The following GABRB3 variants were observed in gnomAD, a reference collection of about 807,000 sequenced individuals.
The protein encoded by GABRB3 is gamma-aminobutyric acid type A receptor subunit beta3.
A neutral mutation model predicts 52.1 loss-of-function variants in GABRB3; 14 were observed. That is an observed-to-expected ratio of 0.27 (90% CI 0.18 to 0.42). The LOEUF (loss-of-function observed/expected upper bound fraction) is 0.42, where lower values mean the gene tolerates loss of function less well. Ranked by LOEUF, GABRB3 falls within the 10% of genes least tolerant of loss-of-function variation. The probability of loss-of-function intolerance (pLI) is 1.00; values close to 1 mark genes in which losing one functional copy is unlikely to be tolerated. For synonymous variants in GABRB3, 260 were observed against 232.3 expected, an observed-to-expected ratio of 1.12 and a Z score of -1.08; for missense variants, 307 against 609.1, an observed-to-expected ratio of 0.50 and a Z score of 5.22.
At chr15:26,623,205 T>A (rs1394656876) in intron 3 of GABRB3, among the ~76,000 whole-genome samples, 1 of 152,044 alleles carries the variant, frequency 6.6e-6, no homozygotes. Flanking sequence ...TGGAGTGCAG[T>A]TTTGCTGGAA....
intron 3 of GABRB3, among the ~76,000 whole-genome samples, chr15:26,730,539 G>A (rs1777330072): frequency 6.6e-6 from 1 of 152,172 alleles, no homozygotes; most frequent in South Asian, 2.1e-4. Context: ...GAAAGAAGAG[G>A]AGCTGAAGAG....
chr15:26,586,397 AACACACACACAC>A, intron 4 of GABRB3, among the ~76,000 whole-genome samples: 1 of 138,086 alleles, frequency 7.2e-6, no homozygotes, highest in South Asian at 2.5e-4. Context: ...AACCACCCCT[AACACACACACAC>A]ACACACACAC....
intron 3 of GABRB3, among the ~76,000 whole-genome samples, chr15:26,700,113 C>A (rs1294862780): frequency 6.6e-6 from 1 of 151,308 alleles, no homozygotes. Context: ...AAAAAACAAA[C>A]AAAACAGAGA....
intron 3 of GABRB3, among the ~76,000 whole-genome samples, chr15:26,694,268 G>C (rs114112972): frequency 1.3e-5 from 2 of 152,024 alleles, no homozygotes; most frequent in Admixed American, 1.3e-4. Context: ...CTCACTTAAC[G>C]GGGAGAAAAA....
intron 6 of GABRB3, chr15:26,569,377 T>C (rs941752938): frequency 4.6e-5 from 7 of 152,200 alleles, no homozygotes; most frequent in African/African-American, 2.4e-5. Context: ...GTGTAGAATT[T>C]CTCTTACACA....
intron 3 of GABRB3, among the ~76,000 whole-genome samples, chr15:26,660,165 G>T (rs961319664): frequency 6.6e-6 from 1 of 151,950 alleles, no homozygotes; most frequent in East Asian, 1.9e-4. Context: ...GGGAGGTGGA[G>T]GTTGCGGTGA....
chr15:26,716,963 C>A (rs1170453091), intron 3 of GABRB3, among the ~76,000 whole-genome samples: 2 of 140,774 alleles, frequency 1.4e-5, no homozygotes, highest in African/African-American at 5.4e-5. Context: ...AGGACCTCCA[C>A]CCAATGACAG....
At chr15:26,610,154 T>A (rs1027819612) in intron 4 of GABRB3, among the ~76,000 whole-genome samples, 1 of 152,176 alleles carries the variant, frequency 6.6e-6, no homozygotes, top group African/African-American at 2.4e-5. Flanking sequence ...TTCCCATATA[T>A]AGATTTTTTT....
At chr15:26,735,557 A>AT (rs1478958573) in intron 3 of GABRB3, among the ~76,000 whole-genome samples, 1 of 152,226 alleles carries the variant, frequency 6.6e-6, no homozygotes, top group East Asian at 1.9e-4. Context: ...AAATTGTGGT[A>AT]TATCTATAGA....
At chr15:26,652,834 A>C (rs945856775) in intron 3 of GABRB3, among the ~76,000 whole-genome samples, 7 of 152,230 alleles carry the variant, frequency 4.6e-5, no homozygotes, top group Non-Finnish European at 7.3e-5. Context: ...GAATACAGGA[A>C]ATTGAAAATG....
At chr15:26,695,087 G>T (rs1329700614) in intron 3 of GABRB3, among the ~76,000 whole-genome samples, 1 of 152,128 alleles carries the variant, frequency 6.6e-6, no homozygotes, top group African/African-American at 2.4e-5. Context: ...AAACGTATAT[G>T]TAATGGTAAT....
chr15:26,615,971 C>T (rs1440964769), intron 4 of GABRB3: 1 of 1,289,008 alleles, frequency 7.8e-7, no homozygotes, highest in Non-Finnish European at 1.0e-6. Context: ...GCAGGAACAA[C>T]CCCAGCTCTC....
chr15:26,668,477 T>C (rs939561193), intron 3 of GABRB3, among the ~76,000 whole-genome samples: 3 of 152,202 alleles, frequency 2.0e-5, no homozygotes, highest in African/African-American at 7.2e-5. Context: ...CTCACTCTTC[T>C]TTTGAGAACC....
At chr15:26,733,386 A>T (rs1269910870) in intron 3 of GABRB3, among the ~76,000 whole-genome samples, 2 of 152,174 alleles carry the variant, frequency 1.3e-5, no homozygotes, top group Non-Finnish European at 2.9e-5. Flanking sequence ...CCTGAAAAGA[A>T]AGTTACAGAA....
intron 3 of GABRB3, among the ~76,000 whole-genome samples, chr15:26,742,347 C>T (rs962544334): frequency 6.7e-6 from 1 of 149,416 alleles, no homozygotes; most frequent in African/African-American, 2.5e-5. Context: ...TTAGTTTAAA[C>T]TCTGTTCTTC....
In GABRB3 at chr15:26,772,475, G is replaced by T. The variant is rs988571432; in HGVS notation, c.173-6C>A. ...CCCCACGCAGACCGGGGGACCTGCG[G>T]GAAGCACAGGACACGGCGATCAGCC... On this transcript the variant is annotated splice_region_variant and splice_polypyrimidine_tract_variant and intron_variant, in intron 2 of 8. Transcript: ENST00000311550. 5.0e-6 allele frequency: 8 copies of T among 1,609,720 alleles called. No homozygotes were observed. The highest frequency in any genetic ancestry group is 1.3e-5 in the African/African-American group (1 of 74,810).
intron 3 of GABRB3, among the ~76,000 whole-genome samples, chr15:26,713,540 G>C (rs1466505252): frequency 6.6e-6 from 1 of 152,120 alleles, no homozygotes; most frequent in Non-Finnish European, 1.5e-5. Context: ...CCAGCCTGGA[G>C]GTCTGTAGGG....
At chr15:26,750,368 G>C (rs539629818) in intron 3 of GABRB3, among the ~76,000 whole-genome samples, 1 of 152,124 alleles carries the variant, frequency 6.6e-6, no homozygotes. Flanking sequence ...CTGCCCTTCC[G>C]TTGCTTTTTA....
At chr15:26,579,253 C>T (rs1194999712) in intron 6 of GABRB3, among the ~76,000 whole-genome samples, 3 of 152,150 alleles carry the variant, frequency 2.0e-5, no homozygotes, top group African/African-American at 7.2e-5. Context: ...GGAGGTGTGC[C>T]CTTGCAGATG....
Sources: allele counts gnomAD v4.1 joint callset (sites outside exome capture counted in the v4.1 genomes callset), GRCh38; gene constraint gnomAD v4.1.1; transcripts MANE v1.5; gene names NCBI Gene and HGNC (gene_info 2026-07-23, HGNC 2026-07-21).